Variants in CACNA1C observed in about 807,000 individuals in gnomAD.
CACNA1C encodes the protein voltage-dependent L-type calcium channel subunit alpha-1C.
Under a neutral mutation model 229.0 loss-of-function variants are expected in CACNA1C, and 30 were observed. The ratio of observed to expected loss-of-function variants is 0.13; its 90% CI spans 0.10 to 0.18. The LOEUF (loss-of-function observed/expected upper bound fraction) is 0.18. Ranked by LOEUF, CACNA1C falls within the 10% of genes least tolerant of loss-of-function variation. The pLI, the probability that CACNA1C is intolerant of heterozygous loss-of-function variation, is 1.00. For synonymous variants in CACNA1C, 1,114 were observed against 1,132.5 expected (o/e 0.98, Z 0.33); for missense variants, 1,658 against 2,845.0 (o/e 0.58, Z 9.49).
intron 3 of CACNA1C, among the ~76,000 whole-genome samples, chr12:2,356,291 A>T (rs1318413074): frequency 6.6e-6 from 1 of 152,242 alleles, no homozygotes; most frequent in Non-Finnish European, 1.5e-5. Flanking sequence ...TTAATGACAC[A>T]AGTAACTCTC....
At chr12:2,506,386 C>CTGGGTACATAATGTTGGG in intron 8 of CACNA1C, among the ~76,000 whole-genome samples, 1 of 152,180 alleles carries the variant, frequency 6.6e-6, no homozygotes, top group East Asian at 1.9e-4. Flanking sequence ...TCTGCCCTTG[C>CTGGGTACATAATGTTGGG]TGGGTACATA....
At chr12:2,192,175 C>T (rs149740158) in intron 3 of CACNA1C, among the ~76,000 whole-genome samples, 1 of 152,322 alleles carries the variant, frequency 6.6e-6, no homozygotes, top group East Asian at 1.9e-4. Flanking sequence ...GAAGATGGAG[C>T]TGACATCACA....
Position 2,677,579 on chromosome 12 carries a change from C to T in CACNA1C, c.4957-154C>T, listed in dbSNP as rs766183082. 3.2e-5 allele frequency: 26 copies of T among 822,036 alleles called. No individual in the cohort carries two copies. The highest frequency in any genetic ancestry group is 5.0e-5 in the Non-Finnish European group (26 of 515,914). 50.9% of individuals were successfully genotyped at this position (822,036 alleles called of 1,614,324 possible). On this transcript the variant is annotated intron_variant, in intron 40 of 46. Transcript: ENST00000399655. The surrounding 1 kb of genome is among the most constrained non-coding windows in gnomAD (Gnocchi z 7.4). ...TTCCATCAGAGGGCAGCCCAGCCCC[C>T]AGTTCACACACACACAAACCTTCCG... is the stretch of plus-strand genomic sequence containing the variant.
At chr12:1,977,671 G>A (rs542646701) in intron 1 of CACNA1C, among the ~76,000 whole-genome samples, 1 of 152,224 alleles carries the variant, frequency 6.6e-6, no homozygotes, top group South Asian at 2.1e-4. Context: ...CCATACCACT[G>A]CCTTCTCAAT....
At chr12:2,396,347 G>A (rs1159530299) in intron 3 of CACNA1C, among the ~76,000 whole-genome samples, 3 of 152,178 alleles carry the variant, frequency 2.0e-5, no homozygotes, top group Non-Finnish European at 4.4e-5. Flanking sequence ...TAGCAAAGCT[G>A]TTTCTGCTCC....
intron 3 of CACNA1C, among the ~76,000 whole-genome samples, chr12:2,303,068 G>C (rs1057248624): frequency 6.6e-6 from 1 of 152,254 alleles, no homozygotes; most frequent in Non-Finnish European, 1.5e-5. Context: ...GAAACCGGCC[G>C]TGGGAGCTTC....
At position 2,695,426 on chromosome 12, in the gene CACNA1C, C is replaced by T. The variant is rs1402398596; in HGVS notation, c.*4227C>T. The T allele has an allele frequency of 3.3e-5, 5 of 152,286 alleles. No homozygotes were observed. The highest frequency in any genetic ancestry group is 1.2e-4 in the African/African-American group (5 of 41,448). 9.4% of individuals were successfully genotyped at this position (152,286 alleles called of 1,614,324 possible). On this transcript the variant is annotated 3_prime_UTR_variant, in exon 47 of 47. Transcript: ENST00000399655. ...TGTCCCCCCTCTGCTGATGTCCCTCCCCTCAGGCTGTCCAGGTGCCACCTG... is the reference window on the plus strand; with the variant it reads ...TGTCCCCCCTCTGCTGATGTCCCTCTCCTCAGGCTGTCCAGGTGCCACCTG...
chr12:2,219,769 C>T (rs990597889), intron 3 of CACNA1C, among the ~76,000 whole-genome samples: 1 of 152,160 alleles, frequency 6.6e-6, no homozygotes, highest in Non-Finnish European at 1.5e-5. Flanking sequence ...ACTGAGTGCA[C>T]CCTTATATGT....
chr12:2,495,740 C>T (rs2099745445), intron 7 of CACNA1C, among the ~76,000 whole-genome samples: 1 of 152,204 alleles, frequency 6.6e-6, no homozygotes, highest in African/African-American at 2.4e-5. Context: ...TGGGACATGC[C>T]TCTCTCTGAT....
chr12:2,087,679 A>G (rs1019714826), intron 1 of CACNA1C, among the ~76,000 whole-genome samples: 6 of 152,192 alleles, frequency 3.9e-5, no homozygotes, highest in Non-Finnish European at 7.3e-5. Flanking sequence ...AGGTTAAGTA[A>G]TGTGCTTTCC....
intron 3 of CACNA1C, among the ~76,000 whole-genome samples, chr12:2,162,416 G>C (rs2095923206): frequency 6.6e-6 from 1 of 151,916 alleles, no homozygotes; most frequent in Admixed American, 6.6e-5. Context: ...GAGGGTACAA[G>C]AGAAAGTTGG....
At chr12:2,041,258 G>A (rs972967293) in intron 1 of CACNA1C, among the ~76,000 whole-genome samples, 1 of 147,800 alleles carries the variant, frequency 6.8e-6, no homozygotes, top group Non-Finnish European at 1.5e-5. Flanking sequence ...TCACAGTGAT[G>A]CTAAGGGTAT....
chr12:2,138,912 C>A (rs1405813020), intron 3 of CACNA1C, among the ~76,000 whole-genome samples: 1 of 150,650 alleles, frequency 6.6e-6, no homozygotes, highest in East Asian at 1.9e-4. Context: ...TTTCTCTGCT[C>A]CTCCATGACT....
chr12:2,550,766 C>A, intron 10 of CACNA1C: 1 of 899,600 alleles, frequency 1.1e-6, no homozygotes, highest in Non-Finnish European at 1.5e-6. Flanking sequence ...CAAGCGCAGC[C>A]CTTTCACAAC....
chr12:2,052,829 C>G (rs1413236986), upstream of CACNA1C, among the ~76,000 whole-genome samples: 1 of 142,748 alleles, frequency 7.0e-6, no homozygotes, highest in Non-Finnish European at 1.5e-5. Flanking sequence ...GCGCCGTGCG[C>G]CCGGCTCCCT....
intron 34 of CACNA1C, among the ~76,000 whole-genome samples, chr12:2,657,799 G>T (rs543917452): frequency 6.6e-6 from 1 of 152,086 alleles, no homozygotes; most frequent in South Asian, 2.1e-4. Flanking sequence ...TACCATGTAA[G>T]GCTCACAATG....
chr12:2,651,177 C>T lies in CACNA1C; in HGVS notation c.3946-463C>T, dbSNP rs1023843666. 5 of 163,548 alleles carry T rather than the reference C, an allele frequency of 3.1e-5. No individual in the cohort carries two copies. Among genetic ancestry groups the T allele is most frequent in the Non-Finnish European group, 6.6e-5 (5 of 76,050 alleles). The allele number at this position is 163,548 out of a possible 1,614,324, so 10.1% of individuals were successfully genotyped here. ...GGGAGAGAGGCCAGCCACCAACCCA[C>T]ATCCTCGGAGAGTGCTGGGCTCCAC... is the stretch of plus-strand genomic sequence containing the variant. On this transcript the variant is annotated intron_variant, in intron 31 of 46. Coordinates refer to ENST00000399655, the MANE Select transcript of CACNA1C (RefSeq NM_000719.7). The surrounding 1 kb of genome is among the most constrained non-coding windows in gnomAD (Gnocchi z 5.4).
At chr12:2,370,441 A>G (rs1274510130) in intron 3 of CACNA1C, among the ~76,000 whole-genome samples, 3 of 152,234 alleles carry the variant, frequency 2.0e-5, no homozygotes, top group African/African-American at 7.2e-5. Context: ...AGAAAAGAGG[A>G]GAGAACCTAA....
At chr12:2,147,504 C>T (rs966241038) in intron 3 of CACNA1C, among the ~76,000 whole-genome samples, 17 of 151,270 alleles carry the variant, frequency 1.1e-4, no homozygotes, top group African/African-American at 3.9e-4. Flanking sequence ...TAAATACTTC[C>T]AGGGACCTGT....
Sources: gnomAD v4.1 joint callset for allele counts (sites outside exome capture counted in the v4.1 genomes callset) on GRCh38, gnomAD v4.1.1 for gene constraint, Gnocchi (gnomAD v3.1) non-coding constraint, MANE v1.5 for transcripts, NCBI Gene and HGNC (gene_info 2026-07-23, HGNC 2026-07-21) for gene names.